INPP4B: variants seen among roughly 807,000 people sequenced by gnomAD.
INPP4B encodes inositol polyphosphate-4-phosphatase type II B, also known as inositol polyphosphate 4-phosphatase type II.
In INPP4B, 55 loss-of-function variants were observed where a neutral mutation model predicts 122.5. The ratio of observed to expected loss-of-function variants is 0.45; its 90% confidence interval spans 0.36 to 0.56. The LOEUF is 0.56. Among genes scored for constraint, INPP4B ranks in the 20% least tolerant of loss-of-function variants. INPP4B has a pLI of 0.00. For missense variants in INPP4B, 1,000 were observed against 1,097.7 expected, an observed-to-expected ratio of 0.91 and a Z score of 1.26; for synonymous variants, 403 against 388.7, an observed-to-expected ratio of 1.04 and a Z score of -0.43.
intron 1 of INPP4B, among the ~76,000 whole-genome samples, chr4:142,738,710 T>C (rs972489678): frequency 3.3e-5 from 5 of 152,250 alleles, no homozygotes; most frequent in African/African-American, 1.2e-4. Context: ...CCCATATGTG[T>C]CTACAAATGC....
At chr4:142,711,741 T>C (rs1254081770) in intron 2 of INPP4B, among the ~76,000 whole-genome samples, 2 of 152,094 alleles carry the variant, frequency 1.3e-5, no homozygotes, top group African/African-American at 4.8e-5. Context: ...ATGGATGAAA[T>C]TGATGACCTT....
chr4:142,072,522 T>C (rs1252464309), intron 25 of INPP4B, among the ~76,000 whole-genome samples: 1 of 149,782 alleles, frequency 6.7e-6, no homozygotes, highest in African/African-American at 2.4e-5. Flanking sequence ...CAACAGATGA[T>C]ATGAATAGTG....
chr4:142,526,540 T>C (rs1334317763), intron 2 of INPP4B, among the ~76,000 whole-genome samples: 1 of 152,066 alleles, frequency 6.6e-6, no homozygotes, highest in Admixed American at 6.6e-5. Context: ...ATCAATTGTA[T>C]AGACATCAGA....
At chr4:142,311,583 C>G (rs1765529810) in intron 8 of INPP4B, among the ~76,000 whole-genome samples, 1 of 152,148 alleles carries the variant, frequency 6.6e-6, no homozygotes. Context: ...AGACTTTGCT[C>G]TCATGGAGTA....
chr4:142,513,252 G>A (rs556688780), intron 2 of INPP4B, among the ~76,000 whole-genome samples: 1 of 152,244 alleles, frequency 6.6e-6, no homozygotes, highest in South Asian at 2.1e-4. Flanking sequence ...CATATACTGG[G>A]TGGCTTATGA....
In INPP4B at chr4:142,024,850, T is replaced by C. The variant is rs1357454800; in HGVS notation, c.*3932A>G. ...CCCTGAGTTATTGCTTAGACTACAGTTGAATTGCTAAGAATTCTCTGGCAA... is the reference window on the plus strand; with the variant it reads ...CCCTGAGTTATTGCTTAGACTACAGCTGAATTGCTAAGAATTCTCTGGCAA... On this transcript the variant is annotated 3_prime_UTR_variant, in exon 26 of 26. Transcript: ENST00000262992. The C allele has an allele frequency of 6.6e-6, 1 of 152,180 alleles. No homozygotes were observed. Among genetic ancestry groups the C allele is most frequent in the Non-Finnish European group, 1.5e-5 (1 of 68,028 alleles). 9.4% of individuals were successfully genotyped at this position (152,180 alleles called of 1,614,324 possible). A position where few individuals can be genotyped will look rare whatever the true frequency, so the allele number is the denominator to read the frequency against.
At chr4:142,664,036 G>C (rs74568308) in intron 2 of INPP4B, among the ~76,000 whole-genome samples, 1 of 152,120 alleles carries the variant, frequency 6.6e-6, no homozygotes, top group Non-Finnish European at 1.5e-5. Flanking sequence ...TCATGAACTC[G>C]ATTTCATCTG....
At chr4:142,661,990 T>C (rs933503972) in intron 2 of INPP4B, among the ~76,000 whole-genome samples, 1 of 151,946 alleles carries the variant, frequency 6.6e-6, no homozygotes, top group African/African-American at 2.4e-5. Context: ...TCCCAGCACG[T>C]TGGGAGGCCA....
In INPP4B at chr4:142,431,101, G is replaced by A. The variant is rs866794233; in HGVS notation, c.91+68C>T. On this transcript the variant is annotated intron_variant, in intron 4 of 25. Transcript: ENST00000262992. ...TGAATCTATGAATGCATGTATGTAT[G>A]TGTAAGTTTCATCGGCCCAATTTGC... 2.6e-5 allele frequency: 29 copies of A among 1,098,484 alleles called. 1 individual carries two copies. In the South Asian group the frequency reaches 3.4e-4, roughly 13 times the overall value. 68.0% of individuals were successfully genotyped at this position (1,098,484 alleles called of 1,614,324 possible).
intron 2 of INPP4B, among the ~76,000 whole-genome samples, chr4:142,491,849 G>C (rs892372387): frequency 6.6e-6 from 1 of 152,184 alleles, no homozygotes; most frequent in Non-Finnish European, 1.5e-5. Context: ...AAGTACTGGA[G>C]GACAGACCAG....
At chr4:142,526,315 C>T (rs899694034) in intron 2 of INPP4B, among the ~76,000 whole-genome samples, 4 of 151,984 alleles carry the variant, frequency 2.6e-5, no homozygotes, top group Non-Finnish European at 2.9e-5. Flanking sequence ...AGTAGCCAGC[C>T]ACACAAAATA....
chr4:142,135,575 T>C (rs1803649892), intron 18 of INPP4B, among the ~76,000 whole-genome samples: 1 of 152,192 alleles, frequency 6.6e-6, no homozygotes, highest in African/African-American at 2.4e-5. Context: ...CTGGCTTCTG[T>C]CCACTTCGCT....
chr4:142,674,290 G>C (rs992324843), intron 2 of INPP4B, among the ~76,000 whole-genome samples: 1 of 151,956 alleles, frequency 6.6e-6, no homozygotes, highest in African/African-American at 2.4e-5. Context: ...CTGTTTCCTG[G>C]GTCTTCTGTC....
At chr4:142,545,703 A>ATGTGTGTATATACACATGTGTG (rs1553955885) in intron 2 of INPP4B, among the ~76,000 whole-genome samples, 2 of 114,722 alleles carry the variant, frequency 1.7e-5, no homozygotes, top group Non-Finnish European at 3.6e-5. Context: ...ATATGTGTAT[A>ATGTGTGTATATACACATGTGTG]TATATGTGTG....
chr4:142,660,309 C>T (rs1754940233), intron 2 of INPP4B, among the ~76,000 whole-genome samples: 1 of 152,064 alleles, frequency 6.6e-6, no homozygotes, highest in African/African-American at 2.4e-5. Context: ...CCCTCACTTA[C>T]CCCTGGGTAT....
intron 2 of INPP4B, among the ~76,000 whole-genome samples, chr4:142,701,524 T>C (rs1449392282): frequency 2.0e-5 from 3 of 151,636 alleles, no homozygotes; most frequent in Admixed American, 6.6e-5. Context: ...AAAAAAAGGT[T>C]TCATGGAAAG....
At chr4:142,580,730 A>G (rs541005043) in intron 2 of INPP4B, among the ~76,000 whole-genome samples, 191 of 152,212 alleles carry the variant, frequency 1.3e-3, no homozygotes, top group African/African-American at 4.5e-3. Context: ...TAGAAAAGGC[A>G]GAATCTATTC....
At chr4:142,460,483 T>C (rs920540382) in intron 3 of INPP4B, among the ~76,000 whole-genome samples, 12 of 152,190 alleles carry the variant, frequency 7.9e-5, no homozygotes, top group Non-Finnish European at 1.8e-4. Flanking sequence ...ATATGATGTT[T>C]TTCTTCCTAC....
At chr4:142,763,170 TCA>T (rs1246106719) in intron 1 of INPP4B, among the ~76,000 whole-genome samples, 7 of 152,196 alleles carry the variant, frequency 4.6e-5, no homozygotes, top group African/African-American at 7.2e-5. Flanking sequence ...TCTCTAAGCA[TCA>T]GTTTCTACTC....
Sources: gnomAD v4.1 joint callset for allele counts (sites outside exome capture counted in the v4.1 genomes callset) on GRCh38, gnomAD v4.1.1 for gene constraint, MANE v1.5 for transcripts, NCBI Gene and HGNC (gene_info 2026-07-23, HGNC 2026-07-21) for gene names.